BCL11B: variants seen among roughly 807,000 people sequenced by gnomAD.
The protein encoded by BCL11B is B-cell lymphoma/leukemia 11B.
Under a neutral mutation model 49.9 loss-of-function variants are expected in BCL11B, and 8 were observed. That is an observed-to-expected ratio of 0.16 (90% CI 0.09 to 0.29). BCL11B has a LOEUF of 0.29. Among genes scored for constraint, BCL11B ranks in the 10% least tolerant of loss-of-function variants. BCL11B has a pLI of 1.00. For synonymous variants in BCL11B, 739 were observed against 637.4 expected, an observed-to-expected ratio of 1.16 and a Z score of -2.40; for missense variants, 1,006 against 1,351.0, an observed-to-expected ratio of 0.74 and a Z score of 4.00.
chr14:99,186,410 C>T (rs748398534), intron 3 of BCL11B, among the ~76,000 whole-genome samples: 23 of 152,192 alleles, frequency 1.5e-4, no homozygotes, highest in Non-Finnish European at 2.9e-4. Flanking sequence ...GTCCCAGCTA[C>T]TTGGGAGGCT....
At position 99,210,600 on chromosome 14, in the gene BCL11B, A is replaced by C. The variant is rs1029672621; in HGVS notation, c.640+20745T>G. 2.8e-4 allele frequency among the ~76,000 whole-genome samples: 43 copies of C among 152,210 alleles called. 1 individual carries two copies. The highest frequency in any genetic ancestry group is 2.1e-3 in the East Asian group (11 of 5,154). On this transcript the variant is annotated intron_variant, in intron 3 of 3. Transcript: ENST00000357195. The stretch of plus-strand genomic sequence containing the variant: ...GAGCCCAAGCAGCTCATGCCCGAGG[A>C]CCAAGAAACTGACTTCCCCAGCTTT...
At chr14:99,221,077 C>A (rs972260976) in intron 3 of BCL11B, among the ~76,000 whole-genome samples, 59 of 152,202 alleles carry the variant, frequency 3.9e-4, no homozygotes, top group African/African-American at 1.4e-3. Context: ...TGGTCTTGAT[C>A]TCTTGACCTT....
rs1223612325 is a variant in BCL11B at position 99,232,361 on chromosome 14, C to T, written c.428-804G>A. Among the ~76,000 whole-genome samples, 1 of 152,250 alleles carries T rather than the reference C, an allele frequency of 6.6e-6. No individual in the cohort carries two copies. Among genetic ancestry groups the T allele is most frequent in the Admixed American group, 6.5e-5 (1 of 15,290 alleles). On this transcript the variant is annotated intron_variant, in intron 2 of 3. Transcript: ENST00000357195. The surrounding 1 kb of genome is among the most constrained non-coding windows in gnomAD (Gnocchi z 5.1). ...CAGCAAGGCCTGCATTTGATTTAGC[C>T]GTTTATCTTAAATGGCTAAGAGACC...
chr14:99,216,923 C>CAT (rs34763548), intron 3 of BCL11B, among the ~76,000 whole-genome samples: 48,944 of 151,882 alleles, frequency 0.32, 9,256 homozygotes, highest in Non-Finnish European at 0.44. Context: ...TATGTACTCA[C>CAT]ATGCACAAAT....
chr14:99,235,825 T>C (rs1266356372), intron 2 of BCL11B, among the ~76,000 whole-genome samples: 1 of 152,038 alleles, frequency 6.6e-6, no homozygotes, highest in Non-Finnish European at 1.5e-5. Flanking sequence ...TATTCTTGCA[T>C]TGTTGATTTT....
chr14:99,187,592 A>G (rs2139788366), intron 3 of BCL11B, among the ~76,000 whole-genome samples: 1 of 151,844 alleles, frequency 6.6e-6, no homozygotes, highest in African/African-American at 2.4e-5. Context: ...AGAATGTGAA[A>G]GAGAAGCACA....
intron 3 of BCL11B, among the ~76,000 whole-genome samples, chr14:99,210,722 C>T (rs1415722378): frequency 6.6e-6 from 1 of 152,164 alleles, no homozygotes; most frequent in East Asian, 1.9e-4. Context: ...ATAAGGATGT[C>T]CCCAAAGCCA....
chr14:99,266,642 T>C (rs1447753510), intron 1 of BCL11B, among the ~76,000 whole-genome samples: 1 of 152,240 alleles, frequency 6.6e-6, no homozygotes, highest in Non-Finnish European at 1.5e-5. Context: ...TAAGGTATTT[T>C]GCAGCAACGT....
At position 99,257,888 on chromosome 14, in the gene BCL11B, C is replaced by G. The variant is rs1234912752; in HGVS notation, c.59-49G>C. The G allele has an allele frequency of 6.8e-7, 1 of 1,462,638 alleles. No homozygotes were observed. Among genetic ancestry groups the G allele is most frequent in the South Asian group, 1.6e-5 (1 of 64,142 alleles). 90.6% of individuals were successfully genotyped at this position (1,462,638 alleles called of 1,614,324 possible). ...AAGGGGCAGAGAAGATAGAGATGGG[C>G]TTAGGCGGTCACAGCACCCAACTTC... On this transcript the variant is annotated intron_variant, in intron 1 of 3. Transcript: ENST00000357195. This position sits in a 1 kb window ranked among gnomAD's most constrained non-coding sequence, Gnocchi z 6.2.
chr14:99,175,769 A>G lies in BCL11B; in HGVS notation c.1067T>C (p.Ile356Thr). 5 of 1,468,310 alleles carry G rather than the reference A, an allele frequency of 3.4e-6. No homozygotes were observed. The highest frequency in any genetic ancestry group is 4.5e-6 in the Non-Finnish European group (5 of 1,123,322). 91.0% of individuals were successfully genotyped at this position (1,468,310 alleles called of 1,614,324 possible). A position where few individuals can be genotyped will look rare whatever the true frequency, so the allele number is the denominator to read the frequency against. ...CGAGAAGTCCATGGCGGGCGAGTCGATGGCCATGGGGTTCAGGCGCATGAC... is the reference window on the plus strand; with the variant it reads ...CGAGAAGTCCATGGCGGGCGAGTCGGTGGCCATGGGGTTCAGGCGCATGAC... ...DRVMRLNPMAIDSPAMDFSRR... is the reference protein window; with the variant it reads ...DRVMRLNPMATDSPAMDFSRR... The change falls in exon 4 of 4, where the codon ATC (isoleucine) becomes ACC (threonine). Residue 356 changes from isoleucine to threonine, a missense_variant. Physicochemically the swap from Ile to Thr is moderately conservative, Grantham distance 89. Coordinates refer to ENST00000357195, the MANE Select transcript of BCL11B (RefSeq NM_138576.4).
At chr14:99,223,308 T>C (rs1595260649) in intron 3 of BCL11B, among the ~76,000 whole-genome samples, 1 of 152,262 alleles carries the variant, frequency 6.6e-6, no homozygotes, top group Non-Finnish European at 1.5e-5. Context: ...GCTTATTACA[T>C]AGAACCATTT....
intron 3 of BCL11B, among the ~76,000 whole-genome samples, chr14:99,203,055 G>A (rs1467131133): frequency 1.3e-5 from 2 of 152,162 alleles, no homozygotes; most frequent in African/African-American, 2.4e-5. Flanking sequence ...ACTGTGGCAC[G>A]AAGCTGGGCC....
At chr14:99,214,400 T>A (rs1887771055) in intron 3 of BCL11B, among the ~76,000 whole-genome samples, 1 of 151,440 alleles carries the variant, frequency 6.6e-6, no homozygotes, top group East Asian at 1.9e-4. Flanking sequence ...TACAAAAAAT[T>A]TTAAAAAATT....
chr14:99,263,380 A>C (rs1357439468), intron 1 of BCL11B, among the ~76,000 whole-genome samples: 3 of 152,164 alleles, frequency 2.0e-5, no homozygotes, highest in African/African-American at 7.2e-5. Context: ...GGCCGGTGCA[A>C]AACATGCTTC....
Position 99,257,300 on chromosome 14 carries a change from T to C in BCL11B, c.427+171A>G. 6.6e-6 allele frequency among the ~76,000 whole-genome samples: 1 copy of C among 151,630 alleles called. No homozygotes were observed. Among genetic ancestry groups the C allele is most frequent in the East Asian group, 2.0e-4 (1 of 5,094 alleles). On this transcript the variant is annotated intron_variant, in intron 2 of 3. Transcript: ENST00000357195. This position sits in a 1 kb window ranked among gnomAD's most constrained non-coding sequence, Gnocchi z 6.2. ...CTCCCCGAGCCCCAGGCCTGTCTCC[T>C]CCTGAAGGTCACCTGGATGGTGGAC...
In BCL11B at chr14:99,174,211, C is replaced by T. The variant is rs376796811; in HGVS notation, c.2625G>A (p.Lys875=). Residue 875 remains lysine, a synonymous_variant, in exon 4 of 4, where the codon AAG becomes AAA. Transcript: ENST00000357195. ...VYSTLEKHMK[K]WHGEHLLTND... ...TAGTCAGCAAGTGCTCGCCGTGCCA[C>T]TTTTTCATGTGTTTCTCCAGGGTGC... is the stretch of plus-strand genomic sequence containing the variant. 5.6e-6 allele frequency: 9 copies of T among 1,613,746 alleles called. No individual in the cohort carries two copies. The highest frequency in any genetic ancestry group is 7.6e-6 in the Non-Finnish European group (9 of 1,180,034).
At position 99,175,020 on chromosome 14, in the gene BCL11B, C is replaced by T. The variant is rs762756917; in HGVS notation, c.1816G>A (p.Ala606Thr). The change falls in exon 4 of 4, where the codon GCA (alanine) becomes ACA (threonine). Residue 606 changes from alanine (A) to threonine (T), a missense_variant. By Grantham distance (58) the Ala-to-Thr change is moderately conservative. This residue lies in a region of BCL11B where 443 missense variants were observed against 499.7 expected (regional missense o/e 0.89). Coordinates refer to ENST00000357195, the MANE Select transcript of BCL11B (RefSeq NM_138576.4). ...AGGAGCTCGCCGTACTGCGGCAGTG[C>T]GCCTAGGCCCACGTTCTCCATGACC... ...GKVMENVGLG[A>T]LPQYGELLAD... is the part of the protein sequence containing the mutation. The T allele has an allele frequency of 1.3e-6, 2 of 1,593,744 alleles. No individual in the cohort carries two copies. The highest frequency in any genetic ancestry group is 2.3e-5 in the East Asian group (1 of 44,196).
chr14:99,243,918 TAAAAAA>T (rs200999902), intron 2 of BCL11B, among the ~76,000 whole-genome samples: 1,439 of 125,832 alleles, frequency 0.011, 17 homozygotes, highest in East Asian at 0.016. Context: ...ACATTGCTCC[TAAAAAA>T]AAAAAAAAAA....
Position 99,195,079 on chromosome 14 carries a change from G to A in BCL11B, c.641-18884C>T, listed in dbSNP as rs1199622325. On this transcript the variant is annotated intron_variant, in intron 3 of 3. Transcript: ENST00000357195. The surrounding 1 kb of genome is among the most constrained non-coding windows in gnomAD (Gnocchi z 4.7). The stretch of plus-strand genomic sequence containing the variant: ...CATGCAGAAAGGGCTTCCTGAGGTC[G>A]CACAGCCCAAGGATGAGGCTGGCGC... Among the ~76,000 whole-genome samples, 1 of 152,190 alleles carries A rather than the reference G, an allele frequency of 6.6e-6. No homozygotes were observed. Among genetic ancestry groups the A allele is most frequent in the Non-Finnish European group, 1.5e-5 (1 of 68,036 alleles).
Sources: allele counts gnomAD v4.1 joint callset (sites outside exome capture counted in the v4.1 genomes callset), GRCh38; gene constraint gnomAD v4.1.1; regional missense constraint gnomAD v4.1.1; non-coding constraint Gnocchi (gnomAD v3.1); transcripts MANE v1.5; gene names NCBI Gene and HGNC (gene_info 2026-07-23, HGNC 2026-07-21).